The following ADAMTS17 variants were observed in gnomAD, a reference collection of about 807,000 sequenced individuals.
ADAMTS17 encodes ADAM metallopeptidase with thrombospondin type 1 motif 17, also known as A disintegrin and metalloproteinase with thrombospondin motifs 17.
ADAMTS17 carries 113 observed loss-of-function variants against 141.5 expected under a neutral mutation model. The ratio of observed to expected loss-of-function variants is 0.80; its 90% CI spans 0.69 to 0.93. ADAMTS17 has a LOEUF of 0.93. ADAMTS17 is among the 40% of genes least tolerant of loss of function. The pLI is 0.00. For missense variants in ADAMTS17, 1,659 were observed against 1,517.9 expected, an observed-to-expected ratio of 1.09 and a Z score of -1.54; for synonymous variants, 768 against 630.6, an observed-to-expected ratio of 1.22 and a Z score of -3.27.
chr15:100,063,478 C>A (rs772924781), intron 15 of ADAMTS17: 11 of 371,016 alleles, frequency 3.0e-5, no homozygotes, highest in Non-Finnish European at 5.4e-5. Context: ...CCTGTTCCCG[C>A]CCCTAATCCA....
intron 14 of ADAMTS17, among the ~76,000 whole-genome samples, chr15:100,102,373 A>C (rs1480415246): frequency 1.6e-5 from 2 of 125,212 alleles, no homozygotes; most frequent in South Asian, 2.8e-4. Context: ...ACCGAAGGGG[A>C]TCTACATTTG....
intron 20 of ADAMTS17, chr15:99,978,379 AAGG>A (rs2060411826): frequency 2.0e-5 from 3 of 152,180 alleles, no homozygotes; most frequent in Admixed American, 2.0e-4. Context: ...TCAGCTCACA[AAGG>A]AGGTGTGAAA....
At chr15:100,248,688 C>T (rs535730365) in intron 7 of ADAMTS17, among the ~76,000 whole-genome samples, 7 of 152,292 alleles carry the variant, frequency 4.6e-5, no homozygotes, top group South Asian at 2.1e-4. Context: ...CTTCCTCCAA[C>T]GTGGAGATCA....
chr15:100,317,763 T>A (rs2045611829), intron 3 of ADAMTS17, among the ~76,000 whole-genome samples: 1 of 152,220 alleles, frequency 6.6e-6, no homozygotes, highest in South Asian at 2.1e-4. Flanking sequence ...CTTCTCATGT[T>A]ATGGTGACAA....
At chr15:100,262,831 A>G (rs2142000142) in intron 4 of ADAMTS17, among the ~76,000 whole-genome samples, 1 of 152,154 alleles carries the variant, frequency 6.6e-6, no homozygotes, top group East Asian at 1.9e-4. Context: ...GTGAAATTCA[A>G]ATGTCAGTGT....
At chr15:100,048,213 C>T (rs2031861796) in intron 18 of ADAMTS17, among the ~76,000 whole-genome samples, 1 of 152,152 alleles carries the variant, frequency 6.6e-6, no homozygotes, top group Admixed American at 6.5e-5. Flanking sequence ...CAATTCACAG[C>T]AGGACGGAAG....
Position 100,152,696 on chromosome 15 carries a change from G to C in ADAMTS17, c.1389C>G (p.His463Gln). 2 of 1,614,254 alleles carry C rather than the reference G, an allele frequency of 1.2e-6. No homozygotes were observed. The highest frequency in any genetic ancestry group is 1.7e-6 in the Non-Finnish European group (2 of 1,180,052). ...PRSQHTVRLP[H>Q]KLPGMHYSAN... Reference sequence around the variant, plus strand: ...CACTGTAGTGCATGCCCGGCAGCTTGTGCGGGAGGCGTACTGTGTGCTGGC... The same window carrying C: ...CACTGTAGTGCATGCCCGGCAGCTTCTGCGGGAGGCGTACTGTGTGCTGGC... Residue 463 changes from histidine to glutamine, a missense_variant, in exon 10 of 22, where the codon CAC becomes CAG. By Grantham distance (24) the His-to-Gln change is conservative (BLOSUM62 0). Transcript: ENST00000268070.
intron 12 of ADAMTS17, among the ~76,000 whole-genome samples, chr15:100,122,335 A>G (rs1427105111): frequency 6.6e-6 from 1 of 152,214 alleles, no homozygotes; most frequent in Non-Finnish European, 1.5e-5. Context: ...TTAAGTCATT[A>G]TTTTGAACGA....
intron 15 of ADAMTS17, among the ~76,000 whole-genome samples, chr15:100,071,498 A>G (rs866856740): frequency 3.3e-5 from 5 of 150,482 alleles, no homozygotes; most frequent in African/African-American, 1.2e-4. Flanking sequence ...CCTCAATAAA[A>G]TACTGGCAAA....
chr15:100,033,262 C>G (rs2030360815), intron 18 of ADAMTS17, among the ~76,000 whole-genome samples: 1 of 152,112 alleles, frequency 6.6e-6, no homozygotes. Context: ...CAGGATAAGT[C>G]TGGATTTGGT....
intron 8 of ADAMTS17, among the ~76,000 whole-genome samples, chr15:100,164,591 G>A (rs959378076): frequency 2.0e-5 from 3 of 152,136 alleles, no homozygotes; most frequent in African/African-American, 4.8e-5. Flanking sequence ...ACACACATTC[G>A]CTTGAGCAAA....
chr15:100,090,547 C>A (rs557321086), intron 15 of ADAMTS17, among the ~76,000 whole-genome samples: 14 of 152,110 alleles, frequency 9.2e-5, no homozygotes, highest in Non-Finnish European at 1.8e-4. Context: ...AAAAGACATC[C>A]GTTTTCTGTC....
intron 6 of ADAMTS17, among the ~76,000 whole-genome samples, chr15:100,255,820 G>C (rs1438417545): frequency 6.6e-6 from 1 of 152,218 alleles, no homozygotes; most frequent in Non-Finnish European, 1.5e-5. Flanking sequence ...AGCCCTGTTG[G>C]CTGAGGAGGA....
At chr15:100,163,029 T>C (rs188580986) in intron 8 of ADAMTS17, among the ~76,000 whole-genome samples, 24 of 142,410 alleles carry the variant, frequency 1.7e-4, no homozygotes, top group East Asian at 1.1e-3. Flanking sequence ...TATATATGTA[T>C]ATATATGTGT....
intron 15 of ADAMTS17, among the ~76,000 whole-genome samples, chr15:100,056,809 C>T (rs745324821): frequency 9.2e-5 from 14 of 152,158 alleles, no homozygotes; most frequent in African/African-American, 3.4e-4. Context: ...GGCCTCCTCA[C>T]TGCTGGCTAA....
chr15:100,339,719 G>A (rs1312712335), intron 2 of ADAMTS17, among the ~76,000 whole-genome samples: 1 of 151,916 alleles, frequency 6.6e-6, no homozygotes, highest in South Asian at 2.1e-4. Context: ...CCCCCTCCAA[G>A]GGTCTATATC....
chr15:100,263,145 C>T (rs2043589844), intron 4 of ADAMTS17, among the ~76,000 whole-genome samples: 1 of 152,110 alleles, frequency 6.6e-6, no homozygotes, highest in African/African-American at 2.4e-5. Flanking sequence ...GGCTTTCATG[C>T]TTGGGGTTTA....
In ADAMTS17 at chr15:99,974,494, G is replaced by A. The variant is rs753320297; in HGVS notation, c.3196C>T (p.Leu1066Phe). The change falls in exon 22 of 22, where the codon CTC becomes TTC. Residue 1066 changes from leucine to phenylalanine, a missense_variant. By Grantham distance (22) the Leu-to-Phe change is conservative. Transcript: ENST00000268070. ...VYCRVIREKNLCQDMRWYQRC... is the reference protein window; with the variant it reads ...VYCRVIREKNFCQDMRWYQRC... The stretch of plus-strand genomic sequence containing the variant: ...TGGTACCACCGCATGTCCTGGCAGA[G>A]GTTCTTTTCTCGGATGACCCGGCAA... 3 of 1,614,142 alleles carry A rather than the reference G, an allele frequency of 1.9e-6. No homozygotes were observed. Among genetic ancestry groups the A allele is most frequent in the East Asian group, 2.2e-5 (1 of 44,902 alleles).
At chr15:100,028,946 C>G (rs150581676) in intron 18 of ADAMTS17, among the ~76,000 whole-genome samples, 3 of 152,372 alleles carry the variant, frequency 2.0e-5, no homozygotes, top group Non-Finnish European at 4.4e-5. Flanking sequence ...TAACTTAAAA[C>G]AACCACAAAA....
Sources: gnomAD v4.1 joint callset for allele counts (sites outside exome capture counted in the v4.1 genomes callset) on GRCh38, gnomAD v4.1.1 for gene constraint, MANE v1.5 for transcripts, NCBI Gene and HGNC (gene_info 2026-07-23, HGNC 2026-07-21) for gene names.